PTPRD: variants seen among roughly 807,000 people sequenced by gnomAD.
The protein encoded by PTPRD is protein tyrosine phosphatase receptor type D, also known as receptor-type tyrosine-protein phosphatase delta.
A neutral mutation model predicts 214.5 loss-of-function variants in PTPRD; 34 were observed. The observed-to-expected ratio is 0.16, with a 90% CI of 0.12 to 0.21. The LOEUF is 0.21. Ranked by LOEUF, PTPRD falls within the 10% of genes least tolerant of loss-of-function variation. The pLI is 1.00. For missense variants in PTPRD, 2,545 were observed against 2,398.7 expected (o/e 1.06, Z -1.27); for synonymous variants, 1,128 against 845.7 (o/e 1.33, Z -5.79).
chr9:10,216,035 T>C (rs2099539565), intron 3 of PTPRD, among the ~76,000 whole-genome samples: 1 of 151,984 alleles, frequency 6.6e-6, no homozygotes, highest in South Asian at 2.1e-4. Context: ...TAATACCAAT[T>C]TTAGGAAAAA....
chr9:10,350,168 C>A (rs773895612), intron 2 of PTPRD, among the ~76,000 whole-genome samples: 6 of 151,974 alleles, frequency 3.9e-5, no homozygotes, highest in East Asian at 3.9e-4. Flanking sequence ...TCTCAGCACC[C>A]TGGATTATAT....
intron 14 of PTPRD, among the ~76,000 whole-genome samples, chr9:8,558,639 C>G (rs1482465454): frequency 6.6e-6 from 1 of 152,164 alleles, no homozygotes; most frequent in Non-Finnish European, 1.5e-5. Context: ...CCCAGACAGT[C>G]AACGGGCTTG....
intron 3 of PTPRD, among the ~76,000 whole-genome samples, chr9:10,169,149 G>C (rs966407418): frequency 6.6e-6 from 1 of 152,056 alleles, no homozygotes; most frequent in African/African-American, 2.4e-5. Flanking sequence ...ATGTATTGAT[G>C]TCCAAATCCT....
intron 5 of PTPRD, among the ~76,000 whole-genome samples, chr9:9,907,391 A>T (rs1488437601): frequency 6.6e-6 from 1 of 151,948 alleles, no homozygotes; most frequent in Admixed American, 6.6e-5. Flanking sequence ...CACAGTTTTA[A>T]GAGGACAGAA....
intron 3 of PTPRD, among the ~76,000 whole-genome samples, chr9:10,254,235 T>C (rs888094819): frequency 2.6e-5 from 4 of 152,252 alleles, no homozygotes; most frequent in African/African-American, 9.6e-5. Flanking sequence ...GGTGCATGCA[T>C]ATAAAAGTAA....
At chr9:9,506,378 G>C (rs1316252475) in intron 8 of PTPRD, among the ~76,000 whole-genome samples, 2 of 151,352 alleles carry the variant, frequency 1.3e-5, no homozygotes, top group Non-Finnish European at 1.5e-5. Context: ...CTAAAAAAAA[G>C]ACTTTCCTAA....
At chr9:9,854,001 G>C (rs1232409603) in intron 5 of PTPRD, among the ~76,000 whole-genome samples, 1 of 152,090 alleles carries the variant, frequency 6.6e-6, no homozygotes, top group South Asian at 2.1e-4. Context: ...TCTTTGTGAT[G>C]AGAACATTCA....
intron 40 of PTPRD, 149 bp from the exon 41 acceptor site, chr9:8,341,417 C>A: frequency 2.2e-6 from 2 of 906,132 alleles, no homozygotes; most frequent in Non-Finnish European, 3.3e-6. Flanking sequence ...CTGCTTTTCA[C>A]ATCTACCTAA....
At chr9:10,367,173 G>T (rs1384491902) in intron 2 of PTPRD, among the ~76,000 whole-genome samples, 2 of 151,628 alleles carry the variant, frequency 1.3e-5, no homozygotes, top group Non-Finnish European at 2.9e-5. Flanking sequence ...ATTGAAAAAT[G>T]GAATCACTTA....
At chr9:10,210,312 G>A (rs756574030) in intron 3 of PTPRD, among the ~76,000 whole-genome samples, 14 of 152,026 alleles carry the variant, frequency 9.2e-5, no homozygotes, top group Non-Finnish European at 1.5e-4. Context: ...AAATGTCAGA[G>A]AGCTCAGACA....
rs144533904 is a variant in PTPRD, at chr9:9,240,658, T to C, written c.-202-57295A>G. 4.1e-3 allele frequency among the ~76,000 whole-genome samples: 631 copies of C among 152,280 alleles called. 2 individuals carry two copies. Among genetic ancestry groups the C allele is most frequent in the African/African-American group, 0.015 (605 of 41,564 alleles). ...TGATATATTAAAATATATGGAAGCA[T>C]TGTTGAACAGTAAGTGATGCTAAAC... On this transcript the variant is annotated intron_variant, in intron 9 of 45. Coordinates refer to ENST00000381196, the MANE Select transcript of PTPRD (RefSeq NM_002839.4).
intron 11 of PTPRD, among the ~76,000 whole-genome samples, chr9:8,942,337 C>A (rs2099039181): frequency 6.6e-6 from 1 of 152,098 alleles, no homozygotes; most frequent in African/African-American, 2.4e-5. Context: ...CAAGTTATCA[C>A]TTTTGGCCAG....
chr9:8,839,287 T>A (rs2255102), intron 11 of PTPRD, among the ~76,000 whole-genome samples: 95,797 of 151,476 alleles, frequency 0.63, 30,637 homozygotes, highest in Middle Eastern at 0.78. Flanking sequence ...AATTTTCAGA[T>A]TGACCAAGGG....
intron 14 of PTPRD, among the ~76,000 whole-genome samples, chr9:8,534,983 G>C (rs1403393170): frequency 1.3e-5 from 2 of 151,866 alleles, no homozygotes; most frequent in Non-Finnish European, 2.9e-5. Context: ...CTTTGTGCTG[G>C]ACTGGGCCAG....
At chr9:10,373,092 C>A (rs966409464) in intron 2 of PTPRD, among the ~76,000 whole-genome samples, 7 of 150,112 alleles carry the variant, frequency 4.7e-5, no homozygotes, top group African/African-American at 1.7e-4. Context: ...CTTGGCCTCC[C>A]AAAGTGCTAG....
chr9:8,629,690 T>G (rs545186658), intron 14 of PTPRD, among the ~76,000 whole-genome samples: 11 of 151,856 alleles, frequency 7.2e-5, no homozygotes, highest in Admixed American at 4.0e-4. Flanking sequence ...CCTCCTAAAG[T>G]GTTGTATCAT....
intron 2 of PTPRD, among the ~76,000 whole-genome samples, chr9:10,609,997 T>G (rs2080527298): frequency 6.6e-6 from 1 of 152,146 alleles, no homozygotes; most frequent in South Asian, 2.1e-4. Flanking sequence ...TAAGAGGAAT[T>G]AATCATTCAT....
chr9:10,582,862 T>C (rs2072451617), intron 2 of PTPRD, among the ~76,000 whole-genome samples: 1 of 152,100 alleles, frequency 6.6e-6, no homozygotes. Context: ...CTACGTCAGG[T>C]GACAAAGAAG....
intron 5 of PTPRD, among the ~76,000 whole-genome samples, chr9:9,768,964 T>C (rs1052421284): frequency 6.6e-6 from 1 of 152,200 alleles, no homozygotes; most frequent in Non-Finnish European, 1.5e-5. Flanking sequence ...TTACTTGTTC[T>C]GATTTTTCTG....
Sources: gnomAD v4.1 joint callset for allele counts (sites outside exome capture counted in the v4.1 genomes callset) on GRCh38, gnomAD v4.1.1 for gene constraint, MANE v1.5 for transcripts, NCBI Gene and HGNC (gene_info 2026-07-23, HGNC 2026-07-21) for gene names.